Variants in CNTNAP2 observed in about 807,000 individuals in gnomAD.
CNTNAP2 encodes contactin associated protein 2, also known as contactin-associated protein-like 2.
CNTNAP2 carries 98 observed loss-of-function variants against 155.2 expected under a neutral mutation model. The ratio of observed to expected loss-of-function variants is 0.63; its 90% CI spans 0.54 to 0.75. CNTNAP2 has a LOEUF of 0.75. CNTNAP2 is among the 30% of genes least tolerant of loss of function. CNTNAP2 has a pLI of 0.00. For synonymous variants in CNTNAP2, 651 were observed against 631.2 expected (o/e 1.03, Z -0.47); for missense variants, 1,727 against 1,688.1 (o/e 1.02, Z -0.40).
chr7:146,373,807 A>G (rs1795269916), intron 1 of CNTNAP2, among the ~76,000 whole-genome samples: 1 of 152,212 alleles, frequency 6.6e-6, no homozygotes, highest in Admixed American at 6.5e-5. Flanking sequence ...TTCCAGAAAT[A>G]AAAGGTCATA....
intron 1 of CNTNAP2, among the ~76,000 whole-genome samples, chr7:146,444,243 T>G (rs904040723): frequency 2.6e-5 from 4 of 152,114 alleles, no homozygotes; most frequent in African/African-American, 7.2e-5. Context: ...CAGGCTGGTC[T>G]CAAACGCCTG....
intron 1 of CNTNAP2, among the ~76,000 whole-genome samples, chr7:146,399,875 T>C (rs1795689064): frequency 1.3e-5 from 2 of 152,200 alleles, no homozygotes; most frequent in African/African-American, 4.8e-5. Flanking sequence ...TTTCCTTAAC[T>C]AAGAAGAGAA....
At chr7:146,151,719 T>C (rs2116778388) in intron 1 of CNTNAP2, among the ~76,000 whole-genome samples, 1 of 125,860 alleles carries the variant, frequency 7.9e-6, no homozygotes, top group Admixed American at 9.2e-5. Context: ...TATATGTATA[T>C]ATATATATGC....
At chr7:146,528,264 T>A (rs1480286491) in intron 1 of CNTNAP2, among the ~76,000 whole-genome samples, 1 of 151,712 alleles carries the variant, frequency 6.6e-6, no homozygotes, top group Non-Finnish European at 1.5e-5. Flanking sequence ...GGTTGGAGAG[T>A]TTTGGCAAAA....
chr7:148,405,962 G>A (rs948805965), intron 22 of CNTNAP2, among the ~76,000 whole-genome samples: 5 of 152,050 alleles, frequency 3.3e-5, no homozygotes, highest in African/African-American at 1.2e-4. Flanking sequence ...GCCGGGCGCG[G>A]TGGCTCACGC....
At chr7:146,152,351 C>T (rs1469170632) in intron 1 of CNTNAP2, among the ~76,000 whole-genome samples, 3 of 152,004 alleles carry the variant, frequency 2.0e-5, no homozygotes. Flanking sequence ...GCTGTGTTTA[C>T]AGGCGAGGGA....
chr7:146,808,981 T>C (rs185217799), intron 2 of CNTNAP2, among the ~76,000 whole-genome samples: 31 of 152,348 alleles, frequency 2.0e-4, no homozygotes, highest in African/African-American at 6.0e-4. Context: ...TGGACACTTA[T>C]GTTGTTTCCA....
chr7:146,151,642 A>ATG (rs1562968860), intron 1 of CNTNAP2, among the ~76,000 whole-genome samples: 7 of 19,736 alleles, frequency 3.5e-4, no homozygotes, highest in Non-Finnish European at 7.7e-4. Flanking sequence ...CGTGATATAT[A>ATG]TATATATATA....
chr7:148,168,464 G>A (rs1168267214), intron 17 of CNTNAP2, among the ~76,000 whole-genome samples: 2 of 147,638 alleles, frequency 1.4e-5, no homozygotes, highest in South Asian at 2.1e-4. Context: ...TTGCAAGGAC[G>A]AAAAACCAAA....
chr7:147,791,587 T>C (rs912448875), intron 13 of CNTNAP2, among the ~76,000 whole-genome samples: 10 of 151,576 alleles, frequency 6.6e-5, no homozygotes, highest in African/African-American at 2.4e-4. Flanking sequence ...ACTAGGAGAG[T>C]ATAAGGAAGG....
At chr7:147,557,044 G>A (rs1799965194) in intron 11 of CNTNAP2, among the ~76,000 whole-genome samples, 1 of 150,552 alleles carries the variant, frequency 6.6e-6, no homozygotes. Flanking sequence ...GGCTGAGGCA[G>A]GCGGGGGTCA....
intron 1 of CNTNAP2, among the ~76,000 whole-genome samples, chr7:146,723,202 T>A (rs1801369438): frequency 6.6e-6 from 1 of 151,992 alleles, no homozygotes; most frequent in Admixed American, 6.6e-5. Context: ...GGAGATACAG[T>A]GAGAAGATGG....
chr7:148,007,907 C>T (rs1236682630), intron 15 of CNTNAP2, among the ~76,000 whole-genome samples: 4 of 152,066 alleles, frequency 2.6e-5, no homozygotes, highest in Admixed American at 6.6e-5. Flanking sequence ...GAATAATGTC[C>T]GCCACCAAAG....
At chr7:146,423,756 A>G (rs1436531351) in intron 1 of CNTNAP2, among the ~76,000 whole-genome samples, 2 of 152,222 alleles carry the variant, frequency 1.3e-5, no homozygotes, top group Admixed American at 1.3e-4. Flanking sequence ...ACTTAAATTC[A>G]TAAAAACAGT....
intron 23 of CNTNAP2, among the ~76,000 whole-genome samples, chr7:148,413,841 A>AACAG (rs397724535): frequency 6.6e-6 from 1 of 151,322 alleles, no homozygotes; most frequent in South Asian, 2.1e-4. Flanking sequence ...TCTACTAACA[A>AACAG]CCTTGTCCTT....
At chr7:147,699,658 C>A in intron 13 of CNTNAP2, among the ~76,000 whole-genome samples, 1 of 152,176 alleles carries the variant, frequency 6.6e-6, no homozygotes, top group South Asian at 2.1e-4. Context: ...GGTAGTTTTT[C>A]ATTTTATTTT....
chr7:147,450,653 C>T (rs1797816229), intron 10 of CNTNAP2, among the ~76,000 whole-genome samples: 1 of 152,200 alleles, frequency 6.6e-6, no homozygotes, highest in South Asian at 2.1e-4. Flanking sequence ...TTCATCTTAA[C>T]ATTTGACTAT....
chr7:147,323,561 G>A (rs1030843908), intron 9 of CNTNAP2, among the ~76,000 whole-genome samples: 3 of 151,530 alleles, frequency 2.0e-5, no homozygotes, highest in South Asian at 4.2e-4. Context: ...CTGTTGATTT[G>A]GGGTGGAGAG....
intron 17 of CNTNAP2, among the ~76,000 whole-genome samples, chr7:148,160,701 G>A (rs932720697): frequency 6.6e-6 from 1 of 152,140 alleles, no homozygotes; most frequent in East Asian, 1.9e-4. Flanking sequence ...TGGGGCTGGG[G>A]GTCTCTGGTT....
Sources: allele counts gnomAD v4.1 joint callset (sites outside exome capture counted in the v4.1 genomes callset), GRCh38; gene constraint gnomAD v4.1.1; transcripts MANE v1.5; gene names NCBI Gene and HGNC (gene_info 2026-07-23, HGNC 2026-07-21).